NTM: variants seen among roughly 807,000 people sequenced by gnomAD.
NTM encodes the protein IgLON family member 2.
Under a neutral mutation model 42.1 loss-of-function variants are expected in NTM, and 13 were observed. That is an observed-to-expected ratio of 0.31 (90% CI 0.20 to 0.49). NTM has a LOEUF of 0.49. Ranked by LOEUF, NTM falls within the 20% of genes least tolerant of loss-of-function variation. The pLI is 0.99. For missense variants in NTM, 373 were observed against 452.8 expected (o/e 0.82, Z 1.60); for synonymous variants, 187 against 179.2 (o/e 1.04, Z -0.35).
intron 1 of NTM, among the ~76,000 whole-genome samples, chr11:131,584,455 G>A (rs902146098): frequency 6.6e-6 from 1 of 152,156 alleles, no homozygotes; most frequent in African/African-American, 2.4e-5. Flanking sequence ...AGCCTCCCTG[G>A]AGTGTGGGAA....
chr11:132,161,795 C>T (rs1411250674), intron 3 of NTM, among the ~76,000 whole-genome samples: 3 of 152,212 alleles, frequency 2.0e-5, no homozygotes, highest in African/African-American at 7.2e-5. Context: ...TGGGCTGCTT[C>T]TCCACGGAAG....
chr11:132,157,158 CACTAA>C (rs776242819), intron 3 of NTM, among the ~76,000 whole-genome samples: 2 of 152,246 alleles, frequency 1.3e-5, no homozygotes, highest in Middle Eastern at 3.4e-3. Flanking sequence ...TTTGTTAAGC[CACTAA>C]ATATATGGAA....
At chr11:131,458,387 C>T (rs1272440775) in intron 1 of NTM, among the ~76,000 whole-genome samples, 4 of 152,140 alleles carry the variant, frequency 2.6e-5, no homozygotes, top group Admixed American at 6.5e-5. Context: ...AGCCCATAGT[C>T]GAAGCATTTA....
intron 1 of NTM, among the ~76,000 whole-genome samples, chr11:131,420,550 T>A (rs979460753): frequency 6.6e-6 from 1 of 152,106 alleles, no homozygotes; most frequent in African/African-American, 2.4e-5. Flanking sequence ...CAATGCTGAG[T>A]ACATTGTGGA....
intron 2 of NTM, among the ~76,000 whole-genome samples, chr11:132,111,847 T>C (rs2063246552): frequency 6.6e-6 from 1 of 152,244 alleles, no homozygotes; most frequent in South Asian, 2.1e-4. Context: ...TCCTGGTTAG[T>C]AATAAAGATG....
At chr11:131,768,998 C>T (rs911795866) in intron 1 of NTM, among the ~76,000 whole-genome samples, 2 of 152,024 alleles carry the variant, frequency 1.3e-5, no homozygotes, top group Non-Finnish European at 2.9e-5. Flanking sequence ...TAATAGTAAA[C>T]CTTAATAGGG....
At chr11:131,856,541 T>C (rs1186815459) in intron 1 of NTM, among the ~76,000 whole-genome samples, 1 of 152,220 alleles carries the variant, frequency 6.6e-6, no homozygotes, top group African/African-American at 2.4e-5. Context: ...TATTGAGTTA[T>C]TATGACCCCA....
intron 1 of NTM, among the ~76,000 whole-genome samples, chr11:131,464,676 C>A (rs1162273311): frequency 1.3e-5 from 2 of 152,176 alleles, no homozygotes; most frequent in Non-Finnish European, 2.9e-5. Flanking sequence ...CGCCCCAGTC[C>A]TGGGAACCAG....
chr11:131,780,330 G>A (rs1416244329), intron 1 of NTM, among the ~76,000 whole-genome samples: 1 of 152,124 alleles, frequency 6.6e-6, no homozygotes, highest in Admixed American at 6.5e-5. Context: ...GGGTGTGAAC[G>A]ATAGACGAGA....
chr11:131,890,054 A>G (rs2051032590), intron 1 of NTM, among the ~76,000 whole-genome samples: 1 of 151,926 alleles, frequency 6.6e-6, no homozygotes, highest in Non-Finnish European at 1.5e-5. Flanking sequence ...CTCCTCCCTG[A>G]CCCAATTCTC....
At chr11:131,575,733 T>C (rs2137128390) in intron 1 of NTM, among the ~76,000 whole-genome samples, 1 of 152,266 alleles carries the variant, frequency 6.6e-6, no homozygotes, top group South Asian at 2.1e-4. Flanking sequence ...TAATGGCTTA[T>C]CCTTCCCCAA....
chr11:131,403,165 A>G (rs1298982484), intron 1 of NTM, among the ~76,000 whole-genome samples: 1 of 152,236 alleles, frequency 6.6e-6, no homozygotes, highest in African/African-American at 2.4e-5. Flanking sequence ...ATCCAGTCAC[A>G]GACAGACTCA....
chr11:132,277,432 T>A (rs1325237331), intron 4 of NTM, among the ~76,000 whole-genome samples: 2 of 152,188 alleles, frequency 1.3e-5, no homozygotes, highest in African/African-American at 4.8e-5. Context: ...TAAAAAGAGA[T>A]GAAAGGTGGC....
chr11:131,448,221 T>A (rs1364421084), intron 1 of NTM, among the ~76,000 whole-genome samples: 3 of 152,232 alleles, frequency 2.0e-5, no homozygotes, highest in African/African-American at 7.2e-5. Flanking sequence ...CCTCCCACCT[T>A]GCCCTGAGTG....
At chr11:132,273,919 A>AAAC (rs202105449) in intron 4 of NTM, among the ~76,000 whole-genome samples, 3 of 152,268 alleles carry the variant, frequency 2.0e-5, no homozygotes, top group East Asian at 3.9e-4. Flanking sequence ...AAACAAAACA[A>AAAC]AACAACAACA....
At chr11:132,275,235 T>C (rs2093659444) in intron 4 of NTM, among the ~76,000 whole-genome samples, 1 of 152,122 alleles carries the variant, frequency 6.6e-6, no homozygotes, top group Non-Finnish European at 1.5e-5. Flanking sequence ...GGCATTGAGA[T>C]ATTTTTTCAT....
At chr11:132,040,206 C>T (rs551092) in intron 2 of NTM, among the ~76,000 whole-genome samples, 50,426 of 152,004 alleles carry the variant, frequency 0.33, 9,627 homozygotes, top group Admixed American at 0.43. Context: ...AGGATTCCAC[C>T]CGCCTCTGCC....
At chr11:132,134,057 G>A (rs2067285933) in intron 2 of NTM, among the ~76,000 whole-genome samples, 1 of 152,082 alleles carries the variant, frequency 6.6e-6, no homozygotes, top group Admixed American at 6.5e-5. Context: ...CTCTGTAGCT[G>A]GGACTATAGG....
At chr11:131,951,779 G>T (rs887950765) in intron 2 of NTM, among the ~76,000 whole-genome samples, 8 of 139,582 alleles carry the variant, frequency 5.7e-5, no homozygotes, top group African/African-American at 2.2e-4. Flanking sequence ...CTGAGATTGT[G>T]CCACTGTACT....
Sources: gnomAD v4.1 joint callset for allele counts (sites outside exome capture counted in the v4.1 genomes callset) on GRCh38, gnomAD v4.1.1 for gene constraint, MANE v1.5 for transcripts, NCBI Gene and HGNC (gene_info 2026-07-23, HGNC 2026-07-21) for gene names.